ARHGAP32: variants seen among roughly 807,000 people sequenced by gnomAD.
ARHGAP32 encodes the protein rho GTPase-activating protein 32.
Under a neutral mutation model 186.5 loss-of-function variants are expected in ARHGAP32, and 51 were observed. The ratio of observed to expected loss-of-function variants is 0.27; its 90% CI spans 0.22 to 0.35. ARHGAP32 has a LOEUF of 0.35. Among genes scored for constraint, ARHGAP32 ranks in the 10% least tolerant of loss-of-function variants. ARHGAP32 has a pLI of 1.00. For missense variants in ARHGAP32, 2,186 were observed against 2,623.5 expected (o/e 0.83, Z 3.64); for synonymous variants, 950 against 964.3 (o/e 0.99, Z 0.27).
chr11:128,986,681 G>T lies in ARHGAP32; in HGVS notation c.1299-13C>A, dbSNP rs1444013261. 3 of 1,612,738 alleles carry T rather than the reference G, an allele frequency of 1.9e-6. No homozygotes were observed. In the South Asian group the frequency reaches 3.3e-5, roughly 18 times the overall value. Reference sequence around the variant, plus strand: ...GTCAAATTCATGGCTGACGTAGACAGAAGAGGACAAGCAAATCATTTGATT... The same window carrying T: ...GTCAAATTCATGGCTGACGTAGACATAAGAGGACAAGCAAATCATTTGATT... On this transcript the variant is annotated splice_polypyrimidine_tract_variant and intron_variant, in intron 13 of 22. Coordinates refer to ENST00000682385, the MANE Select transcript of ARHGAP32 (RefSeq NM_001378024.1).
At chr11:129,138,576 C>G (rs190893496) in intron 2 of ARHGAP32, among the ~76,000 whole-genome samples, 1 of 152,172 alleles carries the variant, frequency 6.6e-6, no homozygotes, top group Non-Finnish European at 1.5e-5. Flanking sequence ...TATCTTGGTC[C>G]CATATTCAAA....
At chr11:129,174,501 A>C (rs181919952) in intron 1 of ARHGAP32, among the ~76,000 whole-genome samples, 140 of 152,342 alleles carry the variant, frequency 9.2e-4, no homozygotes, top group African/African-American at 3.3e-3. Flanking sequence ...GCACAGACAA[A>C]TAAAAAGACA....
At chr11:128,985,374 TA>T (rs1186895249) in intron 15 of ARHGAP32, among the ~76,000 whole-genome samples, 2 of 152,184 alleles carry the variant, frequency 1.3e-5, no homozygotes, top group African/African-American at 2.4e-5. Context: ...AAAAAAAAAT[TA>T]AATTACTTAA....
At chr11:129,048,408 A>G (rs1939899880) in intron 10 of ARHGAP32, among the ~76,000 whole-genome samples, 2 of 152,206 alleles carry the variant, frequency 1.3e-5, no homozygotes, top group South Asian at 4.1e-4. Flanking sequence ...AAGTCAGTTA[A>G]GAGAAAAAAG....
intron 11 of ARHGAP32, among the ~76,000 whole-genome samples, chr11:129,015,883 C>T (rs537266160): frequency 6.6e-6 from 1 of 152,220 alleles, no homozygotes; most frequent in Non-Finnish European, 1.5e-5. Flanking sequence ...AAGTGTCTCC[C>T]TGGGCACAAG....
At chr11:128,991,183 CT>C (rs1440448657) in intron 12 of ARHGAP32, among the ~76,000 whole-genome samples, 1 of 152,046 alleles carries the variant, frequency 6.6e-6, no homozygotes, top group Non-Finnish European at 1.5e-5. Flanking sequence ...AATTAGAGGT[CT>C]TTTCCTGATA....
At chr11:129,263,143 A>G (rs1345098140) in intron 1 of ARHGAP32, among the ~76,000 whole-genome samples, 1 of 152,214 alleles carries the variant, frequency 6.6e-6, no homozygotes. Context: ...GTCTTAGAAG[A>G]AAACATAGGA....
rs751226668 is a variant in ARHGAP32 at position 129,066,839 on chromosome 11, A to G, written c.561T>C (p.Tyr187=). ...GTTTATCAAGTACCCGAAAATCTTC[A>G]TAACTTCTTTTAACAATCCAACTTT... is the stretch of plus-strand genomic sequence containing the variant. ...QGKSWIVKRS[Y]EDFRVLDKHL... Residue 187 remains tyrosine, a synonymous_variant, in exon 7 of 23, where the codon TAT becomes TAC. Transcript: ENST00000682385. 6.8e-6 allele frequency: 11 copies of G among 1,609,914 alleles called. No individual in the cohort carries two copies. The highest frequency in any genetic ancestry group is 5.9e-6 in the Non-Finnish European group (7 of 1,177,686).
rs569522801 is a variant in ARHGAP32 at position 128,973,390 on chromosome 11, C to T, written c.3116G>A (p.Ser1039Asn). The T allele has an allele frequency of 1.2e-5, 19 of 1,613,924 alleles. No homozygotes were observed. The highest frequency in any genetic ancestry group is 1.7e-4 in the Middle Eastern group (1 of 6,022). Residue 1039 changes from serine (S) to asparagine (N), a missense_variant, in exon 22 of 23, where the codon AGT becomes AAT. By Grantham distance (46) the Ser-to-Asn change is conservative (BLOSUM62 1). Around this residue, in one of 5 missense-constraint regions of ARHGAP32, gnomAD observed 1,502 missense variants for 1,570.0 expected, o/e 0.96. Coordinates refer to ENST00000682385, the MANE Select transcript of ARHGAP32 (RefSeq NM_001378024.1). ...TGGTGGTGGGATAAGAGAGACTGAA[C>T]TGACAGGAACGGAATCCTGAGGGGG... The part of the protein sequence containing the change: ...HDPPQDSVPV[S>N]SVSLIPPPPP...
At chr11:129,023,922 A>T (rs1258202369) in intron 11 of ARHGAP32, 12 of 985,282 alleles carry the variant, frequency 1.2e-5, no homozygotes, top group Non-Finnish European at 1.4e-5. Context: ...TATATTTAGC[A>T]GTAGATTCAT....
intron 1 of ARHGAP32, among the ~76,000 whole-genome samples, chr11:129,213,901 T>G (rs945367960): frequency 6.6e-6 from 1 of 152,056 alleles, no homozygotes; most frequent in Non-Finnish European, 1.5e-5. Flanking sequence ...AAATAATTTT[T>G]AATAAAAATT....
intron 1 of ARHGAP32, among the ~76,000 whole-genome samples, chr11:129,214,462 A>G (rs896549866): frequency 1.3e-5 from 2 of 152,176 alleles, no homozygotes; most frequent in African/African-American, 2.4e-5. Flanking sequence ...CATAACTAGA[A>G]CTGGCTTGAA....
chr11:129,125,611 G>A (rs76685822), intron 2 of ARHGAP32, among the ~76,000 whole-genome samples: 1,587 of 152,030 alleles, frequency 0.01, 29 homozygotes, highest in African/African-American at 0.036. Context: ...AAGTAAGTTG[G>A]GAGGAGAATC....
intron 2 of ARHGAP32, among the ~76,000 whole-genome samples, chr11:129,131,671 C>T (rs1942814041): frequency 6.6e-6 from 1 of 152,138 alleles, no homozygotes; most frequent in Non-Finnish European, 1.5e-5. Context: ...CCACCAGGCC[C>T]CTCCTCCAAC....
At chr11:128,983,647 AAAAT>A (rs1945779716) in intron 15 of ARHGAP32, among the ~76,000 whole-genome samples, 7 of 151,996 alleles carry the variant, frequency 4.6e-5, no homozygotes, top group Admixed American at 3.9e-4. Context: ...GTATAATAAA[AAAAT>A]AAATAAATAA....
At chr11:129,113,043 T>C (rs552313111) in intron 5 of ARHGAP32, among the ~76,000 whole-genome samples, 31 of 152,298 alleles carry the variant, frequency 2.0e-4, no homozygotes, top group Middle Eastern at 3.4e-3. Flanking sequence ...CATTTATAGT[T>C]CATATCAAGC....
intron 6 of ARHGAP32, among the ~76,000 whole-genome samples, chr11:129,067,891 T>A (rs1414286545): frequency 6.6e-6 from 1 of 151,986 alleles, no homozygotes; most frequent in Non-Finnish European, 1.5e-5. Context: ...ACTTGCATAA[T>A]CCCACTTTGG....
intron 1 of ARHGAP32, among the ~76,000 whole-genome samples, chr11:129,257,151 TAGAA>T (rs1280519048): frequency 1.3e-5 from 2 of 152,160 alleles, no homozygotes; most frequent in East Asian, 3.8e-4. Flanking sequence ...TAAATTCTAT[TAGAA>T]AGGAAAAGGG....
intron 1 of ARHGAP32, among the ~76,000 whole-genome samples, chr11:129,263,291 G>C (rs1945348183): frequency 6.6e-6 from 1 of 152,036 alleles, no homozygotes; most frequent in African/African-American, 2.4e-5. Context: ...AGAATGAAAA[G>C]GCAATCCACA....
Sources: gnomAD v4.1 joint callset for allele counts (sites outside exome capture counted in the v4.1 genomes callset) on GRCh38, gnomAD v4.1.1 for gene constraint, gnomAD v4.1.1 regional missense constraint, MANE v1.5 for transcripts, NCBI Gene and HGNC (gene_info 2026-07-23, HGNC 2026-07-21) for gene names.